The following RREB1 variants were observed in gnomAD, a reference collection of about 807,000 sequenced individuals.
RREB1 encodes ras responsive element binding protein 1, also known as ras-responsive element-binding protein 1.
A neutral mutation model predicts 117.8 loss-of-function variants in RREB1; 27 were observed. That is an observed-to-expected ratio of 0.23 (90% CI 0.17 to 0.32). The LOEUF (loss-of-function observed/expected upper bound fraction) is 0.32, where lower values mean the gene tolerates loss of function less well. Ranked by LOEUF, RREB1 falls within the 10% of genes least tolerant of loss-of-function variation. The pLI is 1.00. For missense variants in RREB1, 2,577 were observed against 2,378.2 expected (o/e 1.08, Z -1.74); for synonymous variants, 1,298 against 1,026.7 (o/e 1.26, Z -5.05).
At chr6:7,188,547 T>G (rs1379258329) in intron 5 of RREB1, among the ~76,000 whole-genome samples, 1 of 141,184 alleles carries the variant, frequency 7.1e-6, no homozygotes, top group East Asian at 2.1e-4. Context: ...AGATTTACCC[T>G]TCTTCTCCTG....
chr6:7,238,791 TTTGA>T (rs1768503040), intron 10 of RREB1, among the ~76,000 whole-genome samples: 1 of 152,216 alleles, frequency 6.6e-6, no homozygotes, highest in East Asian at 1.9e-4. Flanking sequence ...TTCTGTTGTC[TTTGA>T]TTGTTGCATC....
At chr6:7,116,742 TG>T (rs1480325155) in intron 1 of RREB1, among the ~76,000 whole-genome samples, 2 of 152,242 alleles carry the variant, frequency 1.3e-5, no homozygotes, top group Non-Finnish European at 2.9e-5. Flanking sequence ...GAAAGAATTT[TG>T]AATTACAGAA....
At chr6:7,203,885 G>C (rs938012539) in intron 6 of RREB1, among the ~76,000 whole-genome samples, 1 of 152,196 alleles carries the variant, frequency 6.6e-6, no homozygotes, top group East Asian at 1.9e-4. Context: ...ATAAACGTCA[G>C]TATCAGCCGC....
At chr6:7,132,412 T>C (rs1581427411) in intron 1 of RREB1, among the ~76,000 whole-genome samples, 2 of 152,304 alleles carry the variant, frequency 1.3e-5, no homozygotes, top group East Asian at 3.9e-4. Context: ...GCGATCCATC[T>C]ACGTTGGCCT....
intron 1 of RREB1, among the ~76,000 whole-genome samples, chr6:7,111,811 C>G (rs960908041): frequency 2.6e-5 from 4 of 152,162 alleles, no homozygotes; most frequent in Non-Finnish European, 5.9e-5. Context: ...CAGGTTGAAC[C>G]TTCCTGAGGA....
chr6:7,149,385 TA>T (rs766974556), intron 1 of RREB1, among the ~76,000 whole-genome samples: 1 of 152,170 alleles, frequency 6.6e-6, no homozygotes, highest in Non-Finnish European at 1.5e-5. Context: ...ATACTGAACT[TA>T]AAGGAAGTCT....
intron 2 of RREB1, among the ~76,000 whole-genome samples, chr6:7,179,678 G>GA (rs1249391951): frequency 6.6e-6 from 1 of 151,990 alleles, no homozygotes. Context: ...AGTCCATTAA[G>GA]AAAAAATTGT....
At chr6:7,119,841 G>A (rs946463674) in intron 1 of RREB1, among the ~76,000 whole-genome samples, 1 of 152,162 alleles carries the variant, frequency 6.6e-6, no homozygotes, top group African/African-American at 2.4e-5. Context: ...CAGTTAGAAC[G>A]CTAGTTTTTG....
intron 1 of RREB1, among the ~76,000 whole-genome samples, chr6:7,153,458 A>G (rs978878017): frequency 1.3e-5 from 2 of 150,964 alleles, no homozygotes; most frequent in Non-Finnish European, 2.9e-5. Context: ...CCTCCAATGT[A>G]TTTACTTTTC....
chr6:7,181,601 G>C, intron 3 of RREB1: 1 of 571,550 alleles, frequency 1.7e-6, no homozygotes, highest in Non-Finnish European at 3.0e-6. Context: ...GATTAGGAAA[G>C]GTAGAGAAAC....
chr6:7,168,856 G>A (rs1371997711), intron 1 of RREB1, among the ~76,000 whole-genome samples: 1 of 151,524 alleles, frequency 6.6e-6, no homozygotes, highest in Non-Finnish European at 1.5e-5. Flanking sequence ...GACAACCCCA[G>A]GCTAGACTCC....
rs1341185010 is a variant in RREB1 at position 7,230,353 on chromosome 6, G to A, written c.2254G>A (p.Asp752Asn). 1.3e-6 allele frequency: 2 copies of A among 1,591,662 alleles called. No homozygotes were observed. The highest frequency in any genetic ancestry group is 1.7e-6 in the Non-Finnish European group (2 of 1,173,958). Reference protein sequence around the residue: ...AELVDAFCAPDTVCRLCGEDL... With the variant: ...AELVDAFCAPNTVCRLCGEDL... ...GCTGGTGGACGCCTTCTGCGCCCCG[G>A]ACACCGTGTGCCGGCTGTGCGGCGA... The change falls in exon 10 of 13, where the codon GAC becomes AAC. Residue 752 changes from aspartate (D) to asparagine (N), a missense_variant. Physicochemically the swap from Asp to Asn is conservative, Grantham distance 23. Coordinates refer to ENST00000379938, the MANE Select transcript of RREB1 (RefSeq NM_001003699.4).
intron 6 of RREB1, among the ~76,000 whole-genome samples, chr6:7,208,796 C>T (rs1766420590): frequency 6.6e-6 from 1 of 152,232 alleles, no homozygotes; most frequent in African/African-American, 2.4e-5. Context: ...CCTTGGGCCA[C>T]AGTCCACCAG....
At chr6:7,233,989 T>G (rs1022447461) in intron 10 of RREB1, among the ~76,000 whole-genome samples, 2 of 152,162 alleles carry the variant, frequency 1.3e-5, no homozygotes, top group Non-Finnish European at 2.9e-5. Context: ...CATTTCCTTC[T>G]GCTGTGGTGG....
At chr6:7,118,340 C>A (rs923855391) in intron 1 of RREB1, among the ~76,000 whole-genome samples, 2 of 152,070 alleles carry the variant, frequency 1.3e-5, no homozygotes, top group Non-Finnish European at 2.9e-5. Context: ...AGGCTGGTCT[C>A]AAACTCCCAA....
intron 1 of RREB1, among the ~76,000 whole-genome samples, chr6:7,124,410 C>A (rs964131677): frequency 3.9e-5 from 6 of 152,152 alleles, no homozygotes; most frequent in Non-Finnish European, 7.3e-5. Context: ...TGGAAGGGCT[C>A]ATTTGGCCAG....
At chr6:7,234,262 G>A (rs1298021601) in intron 10 of RREB1, among the ~76,000 whole-genome samples, 1 of 152,066 alleles carries the variant, frequency 6.6e-6, no homozygotes, top group Non-Finnish European at 1.5e-5. Context: ...CCTGTTTATC[G>A]CCTACTGAGA....
intron 1 of RREB1, among the ~76,000 whole-genome samples, chr6:7,167,349 ATT>A (rs777728313): frequency 1.4e-4 from 17 of 120,054 alleles, no homozygotes; most frequent in African/African-American, 2.5e-4. Context: ...CTGGGACAGG[ATT>A]TTTTTTTTTT....
chr6:7,230,615 C>T lies in RREB1; in HGVS notation c.2516C>T (p.Ala839Val). 1.2e-6 allele frequency: 2 copies of T among 1,605,082 alleles called. No homozygotes were observed. The highest frequency in any genetic ancestry group is 1.3e-5 in the African/African-American group (1 of 74,784). Residue 839 changes from alanine to valine, a missense_variant, in exon 10 of 13, where the codon GCT (alanine) becomes GTT (valine). Physicochemically the swap from Ala to Val is moderately conservative, Grantham distance 64. Coordinates refer to ENST00000379938, the MANE Select transcript of RREB1 (RefSeq NM_001003699.4). ...CTGGGCCCCGCAGAGGCGCCGGCCGCTGAGGCGTCGGGGCGCGGGGAGGAC... is the reference window on the plus strand; with the variant it reads ...CTGGGCCCCGCAGAGGCGCCGGCCGTTGAGGCGTCGGGGCGCGGGGAGGAC... Reference protein sequence around the residue: ...DGLGPAEAPAAEASGRGEDSG... With the variant: ...DGLGPAEAPAVEASGRGEDSG...
Sources: gnomAD v4.1 joint callset for allele counts (sites outside exome capture counted in the v4.1 genomes callset) on GRCh38, gnomAD v4.1.1 for gene constraint, MANE v1.5 for transcripts, NCBI Gene and HGNC (gene_info 2026-07-23, HGNC 2026-07-21) for gene names.